MTHFD1L: variants seen among roughly 807,000 people sequenced by gnomAD.
MTHFD1L encodes the protein monofunctional C1-tetrahydrofolate synthase, mitochondrial.
In MTHFD1L, 81 loss-of-function variants were observed where a neutral mutation model predicts 119.5. The observed-to-expected ratio is 0.68, with a 90% CI of 0.57 to 0.82. The LOEUF (loss-of-function observed/expected upper bound fraction) is 0.82. MTHFD1L is among the 40% of genes least tolerant of loss of function. The probability of loss-of-function intolerance (pLI) is 0.00; values close to 1 mark genes in which losing one functional copy is unlikely to be tolerated. For synonymous variants in MTHFD1L, 430 were observed against 475.2 expected (o/e 0.90, Z 1.24); for missense variants, 1,125 against 1,253.4 (o/e 0.90, Z 1.55).
intron 24 of MTHFD1L, among the ~76,000 whole-genome samples, chr6:151,020,260 T>C (rs1439619067): frequency 1.3e-5 from 2 of 152,176 alleles, no homozygotes; most frequent in African/African-American, 4.8e-5. Flanking sequence ...ATGACTGCAT[T>C]TGAATGTGAA....
intron 10 of MTHFD1L, among the ~76,000 whole-genome samples, chr6:150,923,363 T>C (rs1037034502): frequency 6.6e-6 from 1 of 152,024 alleles, no homozygotes; most frequent in Non-Finnish European, 1.5e-5. Flanking sequence ...TGATGAGTCA[T>C]CTGTGTCTGT....
chr6:150,884,758 C>G (rs535128427), intron 5 of MTHFD1L, among the ~76,000 whole-genome samples: 28 of 152,236 alleles, frequency 1.8e-4, no homozygotes, highest in East Asian at 1.7e-3. Context: ...ATGTTTTGTC[C>G]TAGATTTGAA....
At chr6:151,019,577 G>T (rs965503608) in intron 24 of MTHFD1L, among the ~76,000 whole-genome samples, 2 of 152,172 alleles carry the variant, frequency 1.3e-5, no homozygotes, top group African/African-American at 4.8e-5. Flanking sequence ...CTCAAGGCCA[G>T]GATCCCTGCC....
rs537334636 is a variant in MTHFD1L, at chr6:151,047,470, C to G, written c.2847+10353C>G. On this transcript the variant is annotated intron_variant, in intron 26 of 27. Transcript: ENST00000367321. ...GATCCAATGAAGGGATTTTATTAAGCCCCTAGAAGTCCCAGAATGAAAATG... is the reference window on the plus strand; with the variant it reads ...GATCCAATGAAGGGATTTTATTAAGGCCCTAGAAGTCCCAGAATGAAAATG... 4.6e-5 allele frequency among the ~76,000 whole-genome samples: 7 copies of G among 152,068 alleles called. No individual in the cohort carries two copies. The East Asian group carries it at 1.2e-3, about 25-fold the overall frequency.
intron 21 of MTHFD1L, 76 bp from the exon 22 acceptor site, chr6:151,013,703 T>A (rs1209946896): frequency 2.5e-5 from 33 of 1,306,768 alleles, no homozygotes; most frequent in Non-Finnish European, 3.3e-5. Flanking sequence ...AATGTGATTA[T>A]GTTGTTCTTT....
At chr6:151,012,157 T>C (rs1782374131) in intron 21 of MTHFD1L, among the ~76,000 whole-genome samples, 2 of 151,844 alleles carry the variant, frequency 1.3e-5, no homozygotes. Flanking sequence ...TGTGTCTCCC[T>C]ATGTAATTCT....
intron 20 of MTHFD1L, among the ~76,000 whole-genome samples, chr6:150,994,828 C>T (rs1437502723): frequency 6.6e-6 from 1 of 152,164 alleles, no homozygotes; most frequent in Non-Finnish European, 1.5e-5. Flanking sequence ...TAGAGCATGG[C>T]ATCGTTACAT....
chr6:150,911,477 T>C (rs1786869965), intron 8 of MTHFD1L, among the ~76,000 whole-genome samples: 1 of 152,114 alleles, frequency 6.6e-6, no homozygotes, highest in Non-Finnish European at 1.5e-5. Context: ...ACTGGGTAAT[T>C]TATAAAGAAA....
intron 18 of MTHFD1L, among the ~76,000 whole-genome samples, chr6:150,961,603 G>T (rs1226759403): frequency 6.6e-6 from 1 of 152,192 alleles, no homozygotes; most frequent in Non-Finnish European, 1.5e-5. Context: ...GAGAGGCAAA[G>T]TCATATTTTA....
At chr6:150,906,070 C>G (rs1331763623) in intron 8 of MTHFD1L, among the ~76,000 whole-genome samples, 1 of 152,178 alleles carries the variant, frequency 6.6e-6, no homozygotes, top group East Asian at 1.9e-4. Flanking sequence ...GCGGTTTTCA[C>G]AGTTTCTTAA....
At chr6:151,077,900 A>C (rs1302941924) in intron 26 of MTHFD1L, among the ~76,000 whole-genome samples, 1 of 150,982 alleles carries the variant, frequency 6.6e-6, no homozygotes, top group Non-Finnish European at 1.5e-5. Flanking sequence ...AAATACAAAA[A>C]ATTAGCCGGG....
chr6:150,931,227 T>C (rs2128922147), intron 11 of MTHFD1L, among the ~76,000 whole-genome samples: 1 of 151,908 alleles, frequency 6.6e-6, no homozygotes, highest in African/African-American at 2.4e-5. Flanking sequence ...TAGACTGAAT[T>C]TCACATTAAA....
chr6:151,021,441 G>A (rs1245441737), intron 24 of MTHFD1L, among the ~76,000 whole-genome samples: 3 of 152,114 alleles, frequency 2.0e-5, no homozygotes, highest in African/African-American at 4.8e-5. Context: ...CCAGCTACTC[G>A]GGAGGCTGAG....
chr6:151,001,348 T>C (rs1780592833), intron 20 of MTHFD1L, among the ~76,000 whole-genome samples: 1 of 152,206 alleles, frequency 6.6e-6, no homozygotes, highest in South Asian at 2.1e-4. Context: ...CATCCAGGTA[T>C]TTCAAGTAGA....
intron 26 of MTHFD1L, among the ~76,000 whole-genome samples, chr6:151,081,519 A>T (rs966433376): frequency 9.2e-6 from 1 of 108,272 alleles, no homozygotes; most frequent in Non-Finnish European, 2.1e-5. Context: ...AAAAAAAAAA[A>T]AAAATAGCCA....
At chr6:151,061,012 A>G (rs902000043) in intron 26 of MTHFD1L, among the ~76,000 whole-genome samples, 3 of 152,196 alleles carry the variant, frequency 2.0e-5, no homozygotes, top group African/African-American at 7.2e-5. Context: ...ACTAGAATGA[A>G]CTAAACTCAA....
intron 7 of MTHFD1L, 33 bp downstream of exon 7, chr6:150,888,014 G>A: frequency 6.4e-7 from 1 of 1,573,374 alleles, no homozygotes; most frequent in South Asian, 1.2e-5. Context: ...ACATCTTGAA[G>A]GCTTCTGTTA....
intron 10 of MTHFD1L, among the ~76,000 whole-genome samples, chr6:150,925,289 G>A (rs1789745818): frequency 6.6e-6 from 1 of 152,162 alleles, no homozygotes; most frequent in Admixed American, 6.5e-5. Context: ...GCTGCTGGGG[G>A]AACAGGTGTG....
chr6:150,928,457 AT>A (rs1248439209), intron 11 of MTHFD1L, among the ~76,000 whole-genome samples: 110 of 142,730 alleles, frequency 7.7e-4, no homozygotes, highest in African/African-American at 2.8e-3. Flanking sequence ...AAAAAAAAAA[AT>A]CACCTCTTTA....
Sources: allele counts gnomAD v4.1 joint callset (sites outside exome capture counted in the v4.1 genomes callset), GRCh38; gene constraint gnomAD v4.1.1; transcripts MANE v1.5; gene names NCBI Gene and HGNC (gene_info 2026-07-23, HGNC 2026-07-21).